The following ARMC2 variants were observed in gnomAD, a reference collection of about 807,000 sequenced individuals.
ARMC2 encodes the protein armadillo repeat-containing protein 2.
Under a neutral mutation model 90.3 loss-of-function variants are expected in ARMC2, and 67 were observed. That is an observed-to-expected ratio of 0.74 (90% CI 0.61 to 0.91). ARMC2 has a LOEUF of 0.91. Among genes scored for constraint, ARMC2 ranks in the 40% least tolerant of loss-of-function variants. The pLI, the probability that ARMC2 is intolerant of heterozygous loss-of-function variation, is 0.00. For synonymous variants in ARMC2, 393 were observed against 393.0 expected (o/e 1.00, Z 0.00); for missense variants, 920 against 1,030.9 (o/e 0.89, Z 1.47).
At position 108,953,189 on chromosome 6, in the gene ARMC2, G is replaced by A. The variant is rs1469187003; in HGVS notation, c.1753G>A (p.Gly585Ser). 3 of 1,613,912 alleles carry A rather than the reference G, an allele frequency of 1.9e-6. No homozygotes were observed. The highest frequency in any genetic ancestry group is 1.7e-6 in the Non-Finnish European group (2 of 1,179,910). ...QLDLHSQKPV[G>S]QRGEQHRAQR... is the part of the protein sequence containing the mutation. ...GGATCTGCATTCCCAGAAGCCGGTG[G>A]GCCAACGAGGCGAGCAGCACAGGGC... Residue 585 changes from glycine to serine, a missense_variant, in exon 13 of 18, where the codon GGC becomes AGC. Physicochemically the swap from Gly to Ser is moderately conservative, Grantham distance 56 (BLOSUM62 0). Coordinates refer to ENST00000392644, the MANE Select transcript of ARMC2 (RefSeq NM_032131.6).
intron 11 of ARMC2, among the ~76,000 whole-genome samples, chr6:108,930,951 G>A: frequency 6.7e-6 from 1 of 149,736 alleles, no homozygotes; most frequent in Non-Finnish European, 1.5e-5. Context: ...TACATGTGCA[G>A]GTTTGTTACA....
chr6:108,853,922 G>C (rs1582915461), intron 1 of ARMC2, among the ~76,000 whole-genome samples: 1 of 152,212 alleles, frequency 6.6e-6, no homozygotes, highest in Non-Finnish European at 1.5e-5. Flanking sequence ...TTTGTAGGCT[G>C]AAGACCATGA....
intron 3 of ARMC2, among the ~76,000 whole-genome samples, chr6:108,861,926 C>G (rs1252603904): frequency 6.6e-6 from 1 of 152,160 alleles, no homozygotes; most frequent in Non-Finnish European, 1.5e-5. Flanking sequence ...TGGTCCTTGT[C>G]AAACTGGTAC....
At chr6:109,009,045 A>G in the ARMC2 span, 1 of 972,782 alleles carries the variant, frequency 1.0e-6, no homozygotes, top group Non-Finnish European at 1.3e-6. Flanking sequence ...TCCAGACGAC[A>G]ATGTTATTTA....
rs186874681 is a variant in ARMC2 at position 108,912,252 on chromosome 6, T to G, written c.1127-83T>G. On this transcript the variant is annotated intron_variant, in intron 9 of 17. Coordinates refer to ENST00000392644, the MANE Select transcript of ARMC2 (RefSeq NM_032131.6). ...GATAAATATATTTTACGAAGTGTAT[T>G]TTATGTTCACACACAAGTGCTTTAA... 1.5e-5 allele frequency: 15 copies of G among 983,220 alleles called. No individual in the cohort carries two copies. In the Admixed American group the frequency reaches 4.0e-4, roughly 26 times the overall value. 60.9% of individuals were successfully genotyped at this position (983,220 alleles called of 1,614,324 possible).
intron 5 of ARMC2, among the ~76,000 whole-genome samples, chr6:108,881,403 T>C (rs997805836): frequency 5.3e-5 from 8 of 151,204 alleles, no homozygotes; most frequent in African/African-American, 1.9e-4. Context: ...TTCATAAGAA[T>C]CTAGTTAACC....
chr6:108,913,267 G>A (rs1262771919), intron 10 of ARMC2, among the ~76,000 whole-genome samples: 1 of 152,172 alleles, frequency 6.6e-6, no homozygotes, highest in Non-Finnish European at 1.5e-5. Flanking sequence ...TTCGAAATGT[G>A]TTTGTCAATT....
chr6:108,904,423 C>T lies in ARMC2; in HGVS notation c.1023+18C>T. ...TTCTAGCAGTAAGTTTTTCTTTCCT[C>T]TGGTCTAGTAGACTATATCACATAA... is the stretch of plus-strand genomic sequence containing the variant. On this transcript the variant is annotated intron_variant, in intron 8 of 17. Coordinates refer to ENST00000392644, the MANE Select transcript of ARMC2 (RefSeq NM_032131.6). The T allele has an allele frequency of 1.3e-6, 2 of 1,592,598 alleles. No homozygotes were observed. The highest frequency in any genetic ancestry group is 2.3e-5 in the South Asian group (2 of 88,024).
chr6:108,936,287 C>T (rs113041474), intron 11 of ARMC2, among the ~76,000 whole-genome samples: 4 of 152,118 alleles, frequency 2.6e-5, no homozygotes, highest in South Asian at 2.1e-4. Flanking sequence ...GGCAGAGTCT[C>T]GCCCCATTGC....
Position 108,867,779 on chromosome 6 carries a change from A to C in ARMC2, c.292-1045A>C, listed in dbSNP as rs1425222276. 2.0e-5 allele frequency among the ~76,000 whole-genome samples: 3 copies of C among 152,148 alleles called. 1 individual carries two copies. Among genetic ancestry groups the C allele is most frequent in the South Asian group, 4.1e-4 (2 of 4,820 alleles). On this transcript the variant is annotated intron_variant, in intron 3 of 17. Coordinates refer to ENST00000392644, the MANE Select transcript of ARMC2 (RefSeq NM_032131.6). ...AGAGTGAAACTTCATCTCAAAAAAA[A>C]AAAAAGTTAGCTGGGTGTGGTGGCA... is the stretch of plus-strand genomic sequence containing the variant.
At chr6:108,858,673 C>CTATATA (rs1286200179) in intron 3 of ARMC2, among the ~76,000 whole-genome samples, 12 of 150,802 alleles carry the variant, frequency 8.0e-5, no homozygotes, top group Non-Finnish European at 1.6e-4. Context: ...TGTAGTCTCT[C>CTATATA]TATATATACA....
chr6:108,992,972 A>C, the ARMC2 span: 15 of 904,660 alleles, frequency 1.7e-5, 1 homozygote, highest in Middle Eastern at 9.6e-4. Context: ...CAAAGGAGTA[A>C]AAATGGCATA....
chr6:108,918,936 T>G (rs992731620), intron 10 of ARMC2, among the ~76,000 whole-genome samples: 3 of 152,214 alleles, frequency 2.0e-5, no homozygotes, highest in Non-Finnish European at 4.4e-5. Context: ...TCACAAGAAA[T>G]TAAGAAGACA....
chr6:108,896,993 T>C (rs552058147), intron 6 of ARMC2, among the ~76,000 whole-genome samples: 45 of 152,372 alleles, frequency 3.0e-4, no homozygotes, highest in African/African-American at 1.0e-3. Flanking sequence ...ATAGGTTAGT[T>C]ATCCACAAAT....
At chr6:109,027,717 C>T in the ARMC2 span, among the ~76,000 whole-genome samples, 1 of 152,108 alleles carries the variant, frequency 6.6e-6, no homozygotes, top group Non-Finnish European at 1.5e-5. Context: ...TCCTGCAATG[C>T]ACAGGACAGC....
chr6:108,852,822 G>C (rs1236812593), intron 1 of ARMC2, among the ~76,000 whole-genome samples: 1 of 152,126 alleles, frequency 6.6e-6, no homozygotes, highest in South Asian at 2.1e-4. Context: ...TACTGCAATA[G>C]GTCTTTTAGA....
chr6:109,008,454 T>G, the ARMC2 span, among the ~76,000 whole-genome samples: 9 of 152,350 alleles, frequency 5.9e-5, no homozygotes, highest in African/African-American at 2.2e-4. Context: ...AAAAAAATAT[T>G]TGGTGCTTTA....
At chr6:108,930,789 G>A (rs1228350306) in intron 11 of ARMC2, among the ~76,000 whole-genome samples, 4 of 151,422 alleles carry the variant, frequency 2.6e-5, no homozygotes, top group Non-Finnish European at 5.9e-5. Context: ...TAGAGACGGG[G>A]TTTCACTGTG....
chr6:108,860,054 T>C (rs1417934668), intron 3 of ARMC2, among the ~76,000 whole-genome samples: 1 of 152,090 alleles, frequency 6.6e-6, no homozygotes, highest in African/African-American at 2.4e-5. Context: ...ACACTTCAGT[T>C]TTCTTATTTT....
Sources: allele counts gnomAD v4.1 joint callset (sites outside exome capture counted in the v4.1 genomes callset), GRCh38; gene constraint gnomAD v4.1.1; transcripts MANE v1.5; gene names NCBI Gene and HGNC (gene_info 2026-07-23, HGNC 2026-07-21).